Variants in PDE10A observed in about 807,000 individuals in gnomAD.
The protein encoded by PDE10A is cAMP and cAMP-inhibited cGMP 3',5'-cyclic phosphodiesterase 10A.
In PDE10A, 39 loss-of-function variants were observed where a neutral mutation model predicts 97.7. The ratio of observed to expected loss-of-function variants is 0.40; its 90% CI spans 0.31 to 0.52. The LOEUF is 0.52. PDE10A is among the 20% of genes least tolerant of loss of function. The pLI, the probability that PDE10A is intolerant of heterozygous loss-of-function variation, is 0.56. For missense variants in PDE10A, 731 were observed against 1,047.8 expected (o/e 0.70, Z 4.17); for synonymous variants, 371 against 376.8 (o/e 0.98, Z 0.18).
At chr6:165,345,478 A>C (rs1420774671) in intron 18 of PDE10A, among the ~76,000 whole-genome samples, 1 of 152,198 alleles carries the variant, frequency 6.6e-6, no homozygotes, top group African/African-American at 2.4e-5. Context: ...CAGAAATATT[A>C]ATTGGGATCA....
At chr6:165,919,242 C>T (rs1010886130) in intron 1 of PDE10A, among the ~76,000 whole-genome samples, 2 of 152,168 alleles carry the variant, frequency 1.3e-5, no homozygotes, top group African/African-American at 4.8e-5. Flanking sequence ...GTCTACCCAC[C>T]GAAAATAGGA....
intron 8 of PDE10A, 23 bp from the exon 9 acceptor site, chr6:165,430,368 C>G (rs1789464640): frequency 6.9e-7 from 1 of 1,451,116 alleles, no homozygotes; most frequent in African/African-American, 1.4e-5. Context: ...ATAATAGGTA[C>G]AATTACAAGA....
At chr6:165,525,034 C>T (rs1278843020) in intron 2 of PDE10A, among the ~76,000 whole-genome samples, 3 of 152,094 alleles carry the variant, frequency 2.0e-5, no homozygotes, top group Non-Finnish European at 4.4e-5. Context: ...GTGATGGCCT[C>T]CCGAGGCAGC....
chr6:165,831,862 C>T (rs1779929005), intron 1 of PDE10A, among the ~76,000 whole-genome samples: 1 of 152,156 alleles, frequency 6.6e-6, no homozygotes, highest in Non-Finnish European at 1.5e-5. Flanking sequence ...TACTTACTAA[C>T]ACTTCATATT....
At chr6:165,980,747 G>C (rs556357161) in intron 1 of PDE10A, among the ~76,000 whole-genome samples, 1 of 152,280 alleles carries the variant, frequency 6.6e-6, no homozygotes, top group South Asian at 2.1e-4. Context: ...TTGTTGCCAT[G>C]TGTGTATAAT....
intron 1 of PDE10A, among the ~76,000 whole-genome samples, chr6:165,814,080 G>A (rs1779347751): frequency 1.3e-5 from 2 of 152,176 alleles, no homozygotes; most frequent in Non-Finnish European, 2.9e-5. Context: ...TGATACAAAG[G>A]TGTCAAGGAT....
intron 1 of PDE10A, among the ~76,000 whole-genome samples, chr6:165,852,910 C>T (rs1307199507): frequency 5.9e-5 from 9 of 152,254 alleles, no homozygotes; most frequent in Non-Finnish European, 1.0e-4. Context: ...GACGTGGTAA[C>T]GCATTCTGCC....
intron 13 of PDE10A, among the ~76,000 whole-genome samples, chr6:165,408,628 C>A (rs777765601): frequency 6.6e-6 from 1 of 152,000 alleles, no homozygotes; most frequent in Non-Finnish European, 1.5e-5. Context: ...TACATGGATG[C>A]TTTCTTCAAC....
At chr6:165,687,738 C>T (rs1003136300) in intron 1 of PDE10A, among the ~76,000 whole-genome samples, 2 of 152,202 alleles carry the variant, frequency 1.3e-5, no homozygotes, top group Non-Finnish European at 1.5e-5. Flanking sequence ...AGTGCACAGC[C>T]GTAGATGCAG....
At chr6:165,734,062 G>T (rs975648381) in intron 1 of PDE10A, among the ~76,000 whole-genome samples, 2 of 152,180 alleles carry the variant, frequency 1.3e-5, no homozygotes, top group Non-Finnish European at 2.9e-5. Flanking sequence ...ACTCCAGAAG[G>T]GCTCCATTCC....
intron 1 of PDE10A, among the ~76,000 whole-genome samples, chr6:165,891,268 A>C (rs960206240): frequency 6.6e-6 from 1 of 152,170 alleles, no homozygotes; most frequent in African/African-American, 2.4e-5. Context: ...TTGCTGGCTC[A>C]TGTAATGGTT....
At chr6:165,595,577 T>C (rs1310115295) in intron 1 of PDE10A, among the ~76,000 whole-genome samples, 1 of 152,230 alleles carries the variant, frequency 6.6e-6, no homozygotes, top group Non-Finnish European at 1.5e-5. Flanking sequence ...TGTGTCATAA[T>C]ATAGCCAAAA....
chr6:165,873,719 T>G (rs1781262825), intron 1 of PDE10A, among the ~76,000 whole-genome samples: 1 of 152,128 alleles, frequency 6.6e-6, no homozygotes, highest in African/African-American at 2.4e-5. Context: ...AAAACTTAGA[T>G]GCAAAAAAAA....
chr6:165,829,466 G>C (rs1779849948), intron 1 of PDE10A, among the ~76,000 whole-genome samples: 1 of 152,232 alleles, frequency 6.6e-6, no homozygotes, highest in Non-Finnish European at 1.5e-5. Flanking sequence ...CAGCAGCCTT[G>C]AGAAGCTTTC....
intron 16 of PDE10A, among the ~76,000 whole-genome samples, chr6:165,389,530 A>C (rs1348998188): frequency 6.6e-6 from 1 of 152,206 alleles, no homozygotes; most frequent in Non-Finnish European, 1.5e-5. Flanking sequence ...TATAATGATT[A>C]CCATCAACTG....
chr6:165,470,269 C>T (rs544755834), intron 3 of PDE10A, among the ~76,000 whole-genome samples: 16 of 152,194 alleles, frequency 1.1e-4, no homozygotes, highest in South Asian at 8.3e-4. Flanking sequence ...CAAACCATAG[C>T]GACAGGTAAC....
chr6:165,657,735 G>C (rs1790037941), intron 1 of PDE10A, among the ~76,000 whole-genome samples: 1 of 152,170 alleles, frequency 6.6e-6, no homozygotes, highest in African/African-American at 2.4e-5. Context: ...AAAATTAAAA[G>C]TGCAATTTCT....
chr6:165,647,398 G>C lies in PDE10A; in HGVS notation c.865+14549C>G, dbSNP rs559254085. Among the ~76,000 whole-genome samples the C allele has an allele frequency of 2.3e-4, 35 of 152,318 alleles. No individual in the cohort carries two copies. The Middle Eastern group carries it at 0.014, about 59-fold the overall frequency. On this transcript the variant is annotated intron_variant, in intron 1 of 21. Coordinates refer to ENST00000539869, the MANE Select transcript of PDE10A (RefSeq NM_001385079.1). ...AGACAGGACCGAGTGAAGGCGAAACGCTCAGAGACAGGAGAGGGCAGAGGT... is the reference window on the plus strand; with the variant it reads ...AGACAGGACCGAGTGAAGGCGAAACCCTCAGAGACAGGAGAGGGCAGAGGT...
chr6:165,981,873 T>C (rs1290971858), intron 1 of PDE10A, among the ~76,000 whole-genome samples: 1 of 152,206 alleles, frequency 6.6e-6, no homozygotes, highest in Non-Finnish European at 1.5e-5. Flanking sequence ...AGATAGGCGA[T>C]CTGAGCAATT....
Sources: allele counts gnomAD v4.1 joint callset (sites outside exome capture counted in the v4.1 genomes callset), GRCh38; gene constraint gnomAD v4.1.1; transcripts MANE v1.5; gene names NCBI Gene and HGNC (gene_info 2026-07-23, HGNC 2026-07-21).